TAF2: variants seen among roughly 807,000 people sequenced by gnomAD.
The protein encoded by TAF2 is TATA-box binding protein associated factor 2.
TAF2 carries 61 observed loss-of-function variants against 138.5 expected under a neutral mutation model. That is an observed-to-expected ratio of 0.44 (90% CI 0.36 to 0.54). The LOEUF is 0.54. TAF2 is among the 20% of genes least tolerant of loss of function. TAF2 has a pLI of 0.00. For missense variants in TAF2, 1,090 were observed against 1,427.9 expected (o/e 0.76, Z 3.81); for synonymous variants, 475 against 469.9 (o/e 1.01, Z -0.14).
intron 14 of TAF2, among the ~76,000 whole-genome samples, chr8:119,787,154 A>T (rs10109513): frequency 0.6 from 91,001 of 151,884 alleles, 27,536 homozygotes; most frequent in Middle Eastern, 0.76. Context: ...AATCTATCCA[A>T]CTGACAAAGG....
At chr8:119,741,829 C>G (rs1167936171) in intron 25 of TAF2, among the ~76,000 whole-genome samples, 1 of 152,176 alleles carries the variant, frequency 6.6e-6, no homozygotes, top group African/African-American at 2.4e-5. Flanking sequence ...TGTTTTTTCA[C>G]TCCCTGTTCC....
intron 6 of TAF2, among the ~76,000 whole-genome samples, chr8:119,798,229 T>C (rs1475209017): frequency 1.3e-5 from 2 of 152,194 alleles, no homozygotes; most frequent in African/African-American, 4.8e-5. Context: ...GTTATAGTAC[T>C]ATCTTATCAA....
At position 119,832,705 on chromosome 8, in the gene TAF2, G is replaced by C. The variant is rs997060651; in HGVS notation, c.-141C>G. 53 of 693,108 alleles carry C rather than the reference G, an allele frequency of 7.6e-5. No homozygotes were observed. The East Asian group carries it at 1.2e-3, about 15-fold the overall frequency. The allele number at this position is 693,108 out of a possible 1,614,324, so 42.9% of individuals were successfully genotyped here. A position where few individuals can be genotyped will look rare whatever the true frequency, so the allele number is the denominator to read the frequency against. On this transcript the variant is annotated 5_prime_UTR_variant, in exon 1 of 26. Coordinates refer to ENST00000378164, the MANE Select transcript of TAF2 (RefSeq NM_003184.4). ...TGGCCGGTGCCCAGGTGAGCGACCT[G>C]ACGGGTCGCTGCCCGCCTCAACCTC...
At chr8:119,732,688 C>A (rs1818961249) in intron 25 of TAF2, among the ~76,000 whole-genome samples, 1 of 152,060 alleles carries the variant, frequency 6.6e-6, no homozygotes, top group Non-Finnish European at 1.5e-5. Context: ...CCTGTAATCC[C>A]AGGTACTTGG....
chr8:119,805,185 A>T (rs1374556719), intron 4 of TAF2, among the ~76,000 whole-genome samples: 1 of 152,234 alleles, frequency 6.6e-6, no homozygotes, highest in Non-Finnish European at 1.5e-5. Flanking sequence ...AAGAAGGTTT[A>T]AAAAGTCTGC....
At position 119,793,409 on chromosome 8, in the gene TAF2, C is replaced by A. The variant is rs780483670; in HGVS notation, c.1234G>T (p.Val412Phe). 6.2e-7 allele frequency: 1 copy of A among 1,612,876 alleles called. No homozygotes were observed. Among genetic ancestry groups the A allele is most frequent in the African/African-American group, 1.3e-5 (1 of 74,872 alleles). The stretch of plus-strand genomic sequence containing the variant: ...CCACCAAATATGGGATGTAGTAAAA[C>A]CCCACCAGTTTTTAGTTCATATGCC... Reference protein sequence around the residue: ...IVAYELKTGGVLLHPIFGGGK... With the variant: ...IVAYELKTGGFLLHPIFGGGK... Residue 412 changes from valine to phenylalanine, a missense_variant, in exon 10 of 26, where the codon GTT becomes TTT. Physicochemically the swap from Val to Phe is conservative, Grantham distance 50 (BLOSUM62 -1). This residue lies in a region of TAF2 where 504 missense variants were observed against 680.9 expected (regional missense o/e 0.74). Transcript: ENST00000378164.
intron 19 of TAF2, 21 bp from the exon 20 acceptor site, chr8:119,760,759 G>A: frequency 6.2e-7 from 1 of 1,613,418 alleles, no homozygotes; most frequent in Non-Finnish European, 8.5e-7. Context: ...AAATACGTAT[G>A]TTAACTACTT....
rs574402766 is a variant in TAF2, at chr8:119,776,549, C to T, written c.2364+1470G>A. ...TACAAAAAAAAAAAAATTAGCCGGG[C>T]GTAGTGGCGGGTACCTGTAGTCCCA... On this transcript the variant is annotated intron_variant, in intron 18 of 25. Coordinates refer to ENST00000378164, the MANE Select transcript of TAF2 (RefSeq NM_003184.4). Among the ~76,000 whole-genome samples, 517 of 150,386 alleles carry T rather than the reference C, an allele frequency of 3.4e-3. 2 individuals carry two copies. The highest frequency in any genetic ancestry group is 0.018 in the South Asian group (86 of 4,766).
intron 3 of TAF2, among the ~76,000 whole-genome samples, chr8:119,817,400 G>A (rs1825549189): frequency 6.6e-6 from 1 of 152,050 alleles, no homozygotes; most frequent in Non-Finnish European, 1.5e-5. Context: ...GATCTAGGTC[G>A]CACACTACTT....
chr8:119,789,121 G>A (rs1823241157), intron 12 of TAF2, among the ~76,000 whole-genome samples: 1 of 152,148 alleles, frequency 6.6e-6, no homozygotes, highest in Admixed American at 6.5e-5. Flanking sequence ...ACAAATTTGT[G>A]TTTTGAAAGA....
chr8:119,752,210 ATGC>A (rs1820400774), intron 22 of TAF2, among the ~76,000 whole-genome samples: 1 of 152,220 alleles, frequency 6.6e-6, no homozygotes, highest in African/African-American at 2.4e-5. Context: ...TAGAAACAAA[ATGC>A]TGAAGATAAA....
chr8:119,805,061 C>G (rs1394555030), intron 4 of TAF2, among the ~76,000 whole-genome samples: 1 of 152,082 alleles, frequency 6.6e-6, no homozygotes, highest in African/African-American at 2.4e-5. Flanking sequence ...CAACGGAAAC[C>G]AATAAACAAA....
intron 10 of TAF2, chr8:119,792,004 TAC>T (rs1229288554): frequency 2.0e-5 from 3 of 152,914 alleles, no homozygotes; most frequent in African/African-American, 7.2e-5. Context: ...TAGAGAAAGA[TAC>T]AGTCTAGAAA....
intron 3 of TAF2, among the ~76,000 whole-genome samples, chr8:119,816,740 T>A (rs763547360): frequency 6.6e-6 from 1 of 152,232 alleles, no homozygotes; most frequent in Admixed American, 6.5e-5. Flanking sequence ...ATAATTGGTG[T>A]GTTTTTGTCA....
chr8:119,791,529 C>A, intron 10 of TAF2, 70 bp from the exon 11 acceptor site: 2 of 1,531,686 alleles, frequency 1.3e-6, no homozygotes, highest in Non-Finnish European at 1.8e-6. Context: ...ATTTCATGAC[C>A]ACATCAAGAA....
At position 119,822,229 on chromosome 8, in the gene TAF2, CT is replaced by C. The variant is rs940262145; in HGVS notation, c.139-2724del. Among the ~76,000 whole-genome samples, 5 of 146,998 alleles carry C rather than the reference CT, an allele frequency of 3.4e-5. No homozygotes were observed. The South Asian group carries it at 1.1e-3, about 32-fold the overall frequency. On this transcript the variant is annotated intron_variant, in intron 2 of 25. Transcript: ENST00000378164. ...GCTCATACTCTTGCCTTTTTTTTTT[CT>C]TTTTTTTCAGAGACAGGGTATTGCT...
At chr8:119,798,951 G>C (rs1263579820) in intron 6 of TAF2, among the ~76,000 whole-genome samples, 1 of 151,758 alleles carries the variant, frequency 6.6e-6, no homozygotes, top group African/African-American at 2.4e-5. Context: ...ACCAAAAAAA[G>C]GACTAATTTT....
chr8:119,805,700 C>T (rs977781112), intron 4 of TAF2, among the ~76,000 whole-genome samples: 5 of 150,896 alleles, frequency 3.3e-5, no homozygotes, highest in African/African-American at 4.9e-5. Flanking sequence ...AGCGAAACTC[C>T]GTCTCAAAAA....
intron 18 of TAF2, among the ~76,000 whole-genome samples, chr8:119,775,279 C>CAAAA (rs59665180): frequency 9.9e-6 from 1 of 100,830 alleles, no homozygotes; most frequent in Non-Finnish European, 1.9e-5. Flanking sequence ...GATTCCATCT[C>CAAAA]AAAAAAAAAA....
Sources: allele counts gnomAD v4.1 joint callset (sites outside exome capture counted in the v4.1 genomes callset), GRCh38; gene constraint gnomAD v4.1.1; regional missense constraint gnomAD v4.1.1; transcripts MANE v1.5; gene names NCBI Gene and HGNC (gene_info 2026-07-23, HGNC 2026-07-21).